UBAC2: variants seen among roughly 807,000 people sequenced by gnomAD.
UBAC2 encodes ubiquitin-associated domain-containing protein 2.
In UBAC2, 26 loss-of-function variants were observed where a neutral mutation model predicts 44.0. The ratio of observed to expected loss-of-function variants is 0.59; its 90% CI spans 0.43 to 0.82. The LOEUF (loss-of-function observed/expected upper bound fraction) is 0.82. Among genes scored for constraint, UBAC2 ranks in the 40% least tolerant of loss-of-function variants. The pLI, the probability that UBAC2 is intolerant of heterozygous loss-of-function variation, is 0.00. For missense variants in UBAC2, 329 were observed against 419.4 expected (o/e 0.78, Z 1.88); for synonymous variants, 155 against 154.3 (o/e 1.00, Z -0.04).
rs1243572688 is a variant in UBAC2 at position 99,255,166 on chromosome 13, GTGA to G, written c.389+10550_389+10552del. On this transcript the variant is annotated intron_variant, in intron 4 of 8. Transcript: ENST00000403766. ...GCAGACGAGCACCTGCACCAGCAGC[GTGA>G]TGATGATCCTTATGGACTTCTCCTT... The G allele has an allele frequency of 4.3e-6, 7 of 1,614,008 alleles. No homozygotes were observed. In the African/African-American group the frequency reaches 6.7e-5, roughly 15 times the overall value.
intron 4 of UBAC2, chr13:99,255,810 G>C: frequency 6.2e-7 from 1 of 1,610,212 alleles, no homozygotes; most frequent in Non-Finnish European, 8.5e-7. Flanking sequence ...CTGCAATTTT[G>C]TATTCATCTG....
chr13:99,366,862 A>G (rs919117859), intron 7 of UBAC2, among the ~76,000 whole-genome samples: 1 of 151,918 alleles, frequency 6.6e-6, no homozygotes, highest in Non-Finnish European at 1.5e-5. Flanking sequence ...AGGCCTTGCA[A>G]CTCCACTTAC....
intron 4 of UBAC2, among the ~76,000 whole-genome samples, chr13:99,287,871 A>G (rs541977343): frequency 7.3e-4 from 111 of 152,282 alleles, no homozygotes; most frequent in African/African-American, 2.6e-3. Flanking sequence ...ATAATAAGCA[A>G]TAATACATGA....
chr13:99,251,683 C>T (rs1028490763), intron 4 of UBAC2, among the ~76,000 whole-genome samples: 18 of 152,182 alleles, frequency 1.2e-4, no homozygotes, highest in African/African-American at 2.9e-4. Context: ...GCTATCTAGG[C>T]AGTCTGGAAT....
At chr13:99,258,571 T>C (rs1248612911) in intron 4 of UBAC2, 1 of 151,252 alleles carries the variant, frequency 6.6e-6, no homozygotes, top group Non-Finnish European at 1.5e-5. Context: ...ACTTTGATGC[T>C]TGAAGTCTGC....
At chr13:99,244,015 T>C in intron 3 of UBAC2, 64 bp downstream of exon 3, 1 of 1,289,002 alleles carries the variant, frequency 7.8e-7, no homozygotes, top group Non-Finnish European at 1.0e-6. Flanking sequence ...TTTAAATGGA[T>C]TTTATTTTGT....
chr13:99,239,212 T>C (rs1387670041), intron 2 of UBAC2, among the ~76,000 whole-genome samples: 2 of 152,278 alleles, frequency 1.3e-5, no homozygotes, highest in Admixed American at 1.3e-4. Flanking sequence ...TTCATAGTGA[T>C]ATAATTAATA....
At chr13:99,337,850 TAAGTAACC>T (rs2044813305) in intron 6 of UBAC2, among the ~76,000 whole-genome samples, 1 of 151,988 alleles carries the variant, frequency 6.6e-6, no homozygotes, top group African/African-American at 2.4e-5. Flanking sequence ...TACCCAGACT[TAAGTAACC>T]CTCTACTTCT....
At chr13:99,363,969 T>G (rs1030256364) in intron 7 of UBAC2, among the ~76,000 whole-genome samples, 3 of 152,248 alleles carry the variant, frequency 2.0e-5, no homozygotes, top group Admixed American at 1.3e-4. Flanking sequence ...TAATTTTTTG[T>G]ACTTACATTC....
At position 99,351,614 on chromosome 13, in the gene UBAC2, G is replaced by A. The variant is rs1238534727; in HGVS notation, c.807+11049G>A. ...ATTTGTGGGAGCCAATCCTCTCTCT[G>A]TTGGCTGATGATGAGAATTCTGTTA... On this transcript the variant is annotated intron_variant, in intron 7 of 8. Transcript: ENST00000403766. 2.6e-5 allele frequency: 12 copies of A among 456,746 alleles called. 2 individuals carry two copies. The highest frequency in any genetic ancestry group is 1.7e-4 in the South Asian group (11 of 64,570). 28.3% of individuals were successfully genotyped at this position (456,746 alleles called of 1,614,324 possible). A position where few individuals can be genotyped will look rare whatever the true frequency, so the allele number is the denominator to read the frequency against.
chr13:99,305,822 A>G (rs1375426703), intron 4 of UBAC2, among the ~76,000 whole-genome samples: 1 of 152,334 alleles, frequency 6.6e-6, no homozygotes, highest in Non-Finnish European at 1.5e-5. Context: ...ATGCTAAAAT[A>G]TAAGAAGTGT....
intron 7 of UBAC2, among the ~76,000 whole-genome samples, chr13:99,366,866 CACTT>C (rs2045338246): frequency 6.6e-6 from 1 of 152,176 alleles, no homozygotes; most frequent in African/African-American, 2.4e-5. Context: ...CTTGCAACTC[CACTT>C]ACTTCTTTCA....
In UBAC2 at chr13:99,343,149, C is replaced by T. The variant is rs1270777945; in HGVS notation, c.807+2584C>T. Among the ~76,000 whole-genome samples the T allele has an allele frequency of 5.3e-5, 8 of 152,350 alleles. No homozygotes were observed. In the East Asian group the frequency reaches 7.7e-4, roughly 15 times the overall value. On this transcript the variant is annotated intron_variant, in intron 7 of 8. Coordinates refer to ENST00000403766, the MANE Select transcript of UBAC2 (RefSeq NM_001144072.2). ...TATGCTGAGCCCAGATGCCCGTGTC[C>T]ATCTGATGATGGGTTTCTGTCGGCC...
intron 7 of UBAC2, among the ~76,000 whole-genome samples, chr13:99,362,122 G>A (rs2045273394): frequency 6.6e-6 from 1 of 151,714 alleles, no homozygotes; most frequent in African/African-American, 2.4e-5. Context: ...TTATGTAAAT[G>A]GTATATGTAT....
At chr13:99,329,579 C>G (rs1009485532) in intron 6 of UBAC2, among the ~76,000 whole-genome samples, 1 of 152,246 alleles carries the variant, frequency 6.6e-6, no homozygotes, top group African/African-American at 2.4e-5. Flanking sequence ...TGTGTCTTTA[C>G]TCTCTCCTGG....
chr13:99,215,785 G>T, intron 1 of UBAC2: 1 of 887,874 alleles, frequency 1.1e-6, no homozygotes, highest in Non-Finnish European at 1.7e-6. Context: ...GCTCAAGCAA[G>T]GCAGAGAAAG....
chr13:99,238,974 G>A, intron 2 of UBAC2, among the ~76,000 whole-genome samples: 1 of 152,308 alleles, frequency 6.6e-6, no homozygotes, highest in East Asian at 1.9e-4. Context: ...TACAGTGGTG[G>A]TTAAACGAAG....
intron 4 of UBAC2, chr13:99,254,605 C>G (rs982497058): frequency 3.7e-6 from 1 of 272,446 alleles, no homozygotes; most frequent in Non-Finnish European, 6.9e-6. Flanking sequence ...GATTTCCCCC[C>G]TACTGACTTG....
At chr13:99,296,505 C>T (rs75888208) in intron 4 of UBAC2, among the ~76,000 whole-genome samples, 3,438 of 152,276 alleles carry the variant, frequency 0.023, 59 homozygotes, top group Non-Finnish European at 0.036. Context: ...AATTCCCCTT[C>T]CCTTTTTTGA....
Sources: allele counts gnomAD v4.1 joint callset (sites outside exome capture counted in the v4.1 genomes callset), GRCh38; gene constraint gnomAD v4.1.1; transcripts MANE v1.5; gene names NCBI Gene and HGNC (gene_info 2026-07-23, HGNC 2026-07-21).